ACSS3: variants seen among roughly 807,000 people sequenced by gnomAD.
ACSS3 encodes the protein acyl-CoA synthetase short chain family member 3.
Under a neutral mutation model 84.2 loss-of-function variants are expected in ACSS3, and 64 were observed. The observed-to-expected ratio is 0.76, with a 90% CI of 0.62 to 0.94. The LOEUF is 0.94. Ranked by LOEUF, ACSS3 falls within the 40% of genes least tolerant of loss-of-function variation. The pLI, the probability that ACSS3 is intolerant of heterozygous loss-of-function variation, is 0.00. For missense variants in ACSS3, 815 were observed against 867.6 expected, an observed-to-expected ratio of 0.94 and a Z score of 0.76; for synonymous variants, 317 against 310.1, an observed-to-expected ratio of 1.02 and a Z score of -0.23.
chr12:81,193,583 T>C (rs1320674675), intron 8 of ACSS3, among the ~76,000 whole-genome samples: 1 of 151,966 alleles, frequency 6.6e-6, no homozygotes, highest in Admixed American at 6.6e-5. Context: ...CTGAATATTA[T>C]TATTTTGTTT....
chr12:81,141,082 G>A (rs950426373), intron 4 of ACSS3, among the ~76,000 whole-genome samples: 1 of 152,148 alleles, frequency 6.6e-6, no homozygotes, highest in Non-Finnish European at 1.5e-5. Context: ...TAACCAACAA[G>A]ATATATGCTA....
intron 8 of ACSS3, among the ~76,000 whole-genome samples, chr12:81,189,038 T>C (rs1408283827): frequency 1.3e-5 from 2 of 152,104 alleles, no homozygotes; most frequent in Non-Finnish European, 1.5e-5. Flanking sequence ...AACTGAAATA[T>C]TGTAGCCTTT....
intron 4 of ACSS3, among the ~76,000 whole-genome samples, chr12:81,140,835 A>G (rs528950668): frequency 3.3e-5 from 5 of 152,334 alleles, no homozygotes; most frequent in African/African-American, 1.2e-4. Flanking sequence ...ACATATACTT[A>G]CAGTATATAA....
chr12:81,185,013 T>G (rs1481405456), intron 8 of ACSS3, among the ~76,000 whole-genome samples: 1 of 151,596 alleles, frequency 6.6e-6, no homozygotes, highest in African/African-American at 2.4e-5. Context: ...CAACAACACA[T>G]GAAAAGATTA....
chr12:81,200,123 C>T (rs2032034047), intron 9 of ACSS3, among the ~76,000 whole-genome samples: 1 of 152,186 alleles, frequency 6.6e-6, no homozygotes, highest in African/African-American at 2.4e-5. Context: ...CAACTATAAA[C>T]TTTGGAATAA....
In ACSS3 at chr12:81,254,855, A is replaced by G. The variant is rs1593248600; in HGVS notation, c.1996-2A>G. ...TTCACCTGACCCTAATTTTTTTTCC[A>G]GATAACTTCTACAATTGAAGACCCC... is the stretch of plus-strand genomic sequence containing the variant. On this transcript the variant is annotated splice_acceptor_variant, in intron 15 of 15. Coordinates refer to ENST00000548058, the MANE Select transcript of ACSS3 (RefSeq NM_024560.4). LOFTEE classifies it high-confidence loss of function. 6.2e-7 allele frequency: 1 copy of G among 1,602,224 alleles called. No individual in the cohort carries two copies. The highest frequency in any genetic ancestry group is 8.5e-7 in the Non-Finnish European group (1 of 1,175,324).
intron 13 of ACSS3, among the ~76,000 whole-genome samples, chr12:81,239,703 C>A (rs2033732845): frequency 6.6e-6 from 1 of 151,944 alleles, no homozygotes; most frequent in Non-Finnish European, 1.5e-5. Flanking sequence ...TTACCTCCCA[C>A]CAGGTCCCTC....
intron 13 of ACSS3, among the ~76,000 whole-genome samples, chr12:81,235,597 C>T (rs143770713): frequency 6.6e-6 from 1 of 151,446 alleles, no homozygotes; most frequent in Non-Finnish European, 1.5e-5. Context: ...TTCAAACTTA[C>T]TGAGTTCAAT....
In ACSS3 at chr12:81,139,124, A is replaced by C. The variant is rs1268427151; in HGVS notation, c.646-7A>C. 6.2e-7 allele frequency: 1 copy of C among 1,610,174 alleles called. No homozygotes were observed. Among genetic ancestry groups the C allele is most frequent in the Non-Finnish European group, 8.5e-7 (1 of 1,178,478 alleles). ...GCTTTCTCTCCATTATTATTTTTTAATTGTAGCCCAAGGTGGTTGTTACAG... is the reference window on the plus strand; with the variant it reads ...GCTTTCTCTCCATTATTATTTTTTACTTGTAGCCCAAGGTGGTTGTTACAG... On this transcript the variant is annotated splice_region_variant and splice_polypyrimidine_tract_variant and intron_variant, in intron 3 of 15. Transcript: ENST00000548058.
At chr12:81,182,022 C>A (rs2030970012) in intron 8 of ACSS3, among the ~76,000 whole-genome samples, 1 of 152,040 alleles carries the variant, frequency 6.6e-6, no homozygotes, top group Non-Finnish European at 1.5e-5. Context: ...ATTCTGAAAA[C>A]TAAGTCTTGG....
Position 81,097,674 on chromosome 12 carries a change from G to A in ACSS3, c.312-11886G>A, listed in dbSNP as rs200785879. On this transcript the variant is annotated intron_variant, in intron 1 of 15. Transcript: ENST00000548058. ...TTAGCCAGTCTGCTCATCTGTTAAT[G>A]TGTGTAATAATAGTAATTGTCTGAT... 6.4e-4 allele frequency among the ~76,000 whole-genome samples: 98 copies of A among 152,300 alleles called. 1 individual carries two copies. In the East Asian group the frequency reaches 0.01, roughly 16 times the overall value.
intron 11 of ACSS3, among the ~76,000 whole-genome samples, chr12:81,222,350 A>G (rs779632320): frequency 4.6e-5 from 7 of 152,088 alleles, no homozygotes; most frequent in Non-Finnish European, 1.0e-4. Context: ...AACAAAGGTT[A>G]CCACCAAGAT....
At chr12:81,164,989 T>C (rs142459040) in intron 7 of ACSS3, among the ~76,000 whole-genome samples, 261 of 152,280 alleles carry the variant, frequency 1.7e-3, no homozygotes, top group African/African-American at 6.1e-3. Context: ...TATATAGCAA[T>C]CTGCCTTCTG....
chr12:81,215,040 C>T (rs1012305091), intron 9 of ACSS3, among the ~76,000 whole-genome samples: 2 of 152,182 alleles, frequency 1.3e-5, no homozygotes, highest in Admixed American at 6.5e-5. Context: ...CATCACCCTG[C>T]TCTGGTCTCT....
In ACSS3 at chr12:81,254,976, AT is replaced by A; in HGVS notation, c.*56del. On this transcript the variant is annotated 3_prime_UTR_variant, in exon 16 of 16. Coordinates refer to ENST00000548058, the MANE Select transcript of ACSS3 (RefSeq NM_024560.4). The stretch of plus-strand genomic sequence containing the variant: ...GATTTAATTTCTTAATTGAAATTAA[AT>A]TATTTGAGTTGTTTCTCAGAAATAA... 1 of 1,381,220 alleles carries A rather than the reference AT, an allele frequency of 7.2e-7. No homozygotes were observed. Among genetic ancestry groups the A allele is most frequent in the Non-Finnish European group, 9.9e-7 (1 of 1,008,588 alleles). The allele number at this position is 1,381,220 out of a possible 1,614,324, so 85.6% of individuals were successfully genotyped here. A position where few individuals can be genotyped will look rare whatever the true frequency, so the allele number is the denominator to read the frequency against.
intron 9 of ACSS3, among the ~76,000 whole-genome samples, chr12:81,215,461 G>A (rs2032874834): frequency 6.6e-6 from 1 of 152,092 alleles, no homozygotes; most frequent in African/African-American, 2.4e-5. Context: ...ATAATAAAAT[G>A]AACTACTCTG....
chr12:81,243,205 T>A (rs1378041453), intron 13 of ACSS3, among the ~76,000 whole-genome samples: 3 of 152,142 alleles, frequency 2.0e-5, no homozygotes, highest in African/African-American at 4.8e-5. Flanking sequence ...GGCATTCTTA[T>A]ACACCAATAA....
At chr12:81,251,674 A>AAAG (rs2034158582) in intron 13 of ACSS3, among the ~76,000 whole-genome samples, 1 of 150,010 alleles carries the variant, frequency 6.7e-6, no homozygotes, top group African/African-American at 2.4e-5. Context: ...TCTACAAAAA[A>AAAG]AAAAAAAAAA....
intron 1 of ACSS3, among the ~76,000 whole-genome samples, chr12:81,086,102 G>C (rs1409861689): frequency 6.6e-6 from 1 of 152,012 alleles, no homozygotes; most frequent in Non-Finnish European, 1.5e-5. Context: ...TAAACTGTTT[G>C]GGAAATTCAG....
Sources: gnomAD v4.1 joint callset for allele counts (sites outside exome capture counted in the v4.1 genomes callset) on GRCh38, gnomAD v4.1.1 for gene constraint, MANE v1.5 for transcripts, NCBI Gene and HGNC (gene_info 2026-07-23, HGNC 2026-07-21) for gene names.